RORB: variants seen among roughly 807,000 people sequenced by gnomAD.
RORB encodes the protein RAR related orphan receptor B.
Under a neutral mutation model 59.1 loss-of-function variants are expected in RORB, and 6 were observed. The ratio of observed to expected loss-of-function variants is 0.10; its 90% CI spans 0.06 to 0.20. RORB has a LOEUF of 0.20. RORB is among the 10% of genes least tolerant of loss of function. RORB has a pLI of 1.00. For missense variants in RORB, 320 were observed against 560.5 expected (o/e 0.57, Z 4.33); for synonymous variants, 215 against 204.5 (o/e 1.05, Z -0.44).
intron 1 of RORB, among the ~76,000 whole-genome samples, chr9:74,563,785 T>C (rs1822433398): frequency 6.6e-6 from 1 of 151,344 alleles, no homozygotes. Context: ...AACCTTGGAG[T>C]GAGTGGGTTA....
chr9:74,608,454 C>G (rs1251478501), intron 1 of RORB, among the ~76,000 whole-genome samples: 2 of 151,466 alleles, frequency 1.3e-5, no homozygotes, highest in Non-Finnish European at 2.9e-5. Flanking sequence ...GTCCCAGCTA[C>G]TCGGGAGGCT....
chr9:74,523,675 T>A (rs1563927894), intron 1 of RORB, among the ~76,000 whole-genome samples: 1 of 152,016 alleles, frequency 6.6e-6, no homozygotes, highest in Non-Finnish European at 1.5e-5. Context: ...AGGAAAAAAA[T>A]CACCTGTGAT....
chr9:74,645,665 G>A (rs371410093), intron 4 of RORB, among the ~76,000 whole-genome samples: 7 of 151,640 alleles, frequency 4.6e-5, no homozygotes, highest in South Asian at 2.1e-4. Flanking sequence ...ACCTTTTATC[G>A]AGCACCTACA....
chr9:74,567,717 G>C (rs1822489787), intron 1 of RORB, among the ~76,000 whole-genome samples: 1 of 152,068 alleles, frequency 6.6e-6, no homozygotes, highest in Non-Finnish European at 1.5e-5. Flanking sequence ...CACTCGTAAG[G>C]AAAATGGTAC....
At chr9:74,568,113 A>G (rs533479722) in intron 1 of RORB, among the ~76,000 whole-genome samples, 1 of 152,220 alleles carries the variant, frequency 6.6e-6, no homozygotes, top group Non-Finnish European at 1.5e-5. Flanking sequence ...CCAAATTTTT[A>G]TAACACCTTT....
At chr9:74,646,341 C>T (rs1461688013) in intron 4 of RORB, among the ~76,000 whole-genome samples, 1 of 152,070 alleles carries the variant, frequency 6.6e-6, no homozygotes, top group Admixed American at 6.5e-5. Flanking sequence ...TAAAAACACA[C>T]ATGTAAGAAC....
intron 1 of RORB, among the ~76,000 whole-genome samples, chr9:74,611,864 G>A (rs1693668832): frequency 6.6e-6 from 1 of 152,080 alleles, no homozygotes; most frequent in Admixed American, 6.5e-5. Context: ...TGGCCAGGCT[G>A]GTCTTGAACT....
chr9:74,512,034 A>G (rs537310022), intron 1 of RORB, among the ~76,000 whole-genome samples: 1 of 152,266 alleles, frequency 6.6e-6, no homozygotes, highest in South Asian at 2.1e-4. Context: ...TTTTTCCATC[A>G]TTGAGAAAAG....
chr9:74,573,776 A>G (rs1822588793), intron 1 of RORB, among the ~76,000 whole-genome samples: 1 of 152,132 alleles, frequency 6.6e-6, no homozygotes, highest in East Asian at 1.9e-4. Flanking sequence ...GTGTGTGATG[A>G]GAGGGAAAGG....
chr9:74,640,263 CAG>C (rs1264935939), intron 3 of RORB, among the ~76,000 whole-genome samples: 2 of 152,206 alleles, frequency 1.3e-5, no homozygotes, highest in Admixed American at 1.3e-4. Context: ...TTTTTTGAGA[CAG>C]AGTCTCCCTC....
At chr9:74,526,347 G>A (rs1826156131) in intron 1 of RORB, among the ~76,000 whole-genome samples, 1 of 151,740 alleles carries the variant, frequency 6.6e-6, no homozygotes, top group African/African-American at 2.4e-5. Flanking sequence ...CAACCAACGA[G>A]AAAACCCTAA....
intron 1 of RORB, among the ~76,000 whole-genome samples, chr9:74,517,283 C>T (rs1464633984): frequency 6.6e-6 from 1 of 151,862 alleles, no homozygotes; most frequent in Non-Finnish European, 1.5e-5. Flanking sequence ...CCTTTATTCC[C>T]ATGATTCCAA....
chr9:74,555,541 A>G (rs1283429904), intron 1 of RORB, among the ~76,000 whole-genome samples: 1 of 152,242 alleles, frequency 6.6e-6, no homozygotes, highest in African/African-American at 2.4e-5. Flanking sequence ...GCAAAGACTC[A>G]AAGTCACATA....
intron 1 of RORB, among the ~76,000 whole-genome samples, chr9:74,591,958 CAGAG>C (rs374600755): frequency 3.4e-5 from 5 of 148,844 alleles, no homozygotes; most frequent in Admixed American, 2.0e-4. Context: ...GAGAGAGAGA[CAGAG>C]AGAGAGAGAG....
chr9:74,540,012 T>A (rs1048960390), intron 1 of RORB, among the ~76,000 whole-genome samples: 3 of 152,146 alleles, frequency 2.0e-5, no homozygotes, highest in Non-Finnish European at 4.4e-5. Flanking sequence ...ATGAAAAGAT[T>A]TTTTTCAGTG....
At chr9:74,635,535 G>A (rs927740510) in intron 3 of RORB, among the ~76,000 whole-genome samples, 1 of 152,152 alleles carries the variant, frequency 6.6e-6, no homozygotes, top group Non-Finnish European at 1.5e-5. Flanking sequence ...TTTCCCTGCT[G>A]ACATTGGACA....
At chr9:74,627,627 C>T (rs145092509) in intron 1 of RORB, among the ~76,000 whole-genome samples, 52 of 152,050 alleles carry the variant, frequency 3.4e-4, no homozygotes, top group African/African-American at 1.2e-3. Context: ...TAATTAAGAA[C>T]TTATAGAAGC....
At chr9:74,521,518 A>G (rs909294029) in intron 1 of RORB, among the ~76,000 whole-genome samples, 1 of 151,900 alleles carries the variant, frequency 6.6e-6, no homozygotes. Context: ...AAACTTTAAA[A>G]TAAGTCTTCA....
At chr9:74,587,008 G>T (rs1403676546) in intron 1 of RORB, among the ~76,000 whole-genome samples, 1 of 152,124 alleles carries the variant, frequency 6.6e-6, no homozygotes, top group Admixed American at 6.5e-5. Flanking sequence ...AGCTGGTACT[G>T]CCTTACAGAT....
Sources: gnomAD v4.1 joint callset for allele counts (sites outside exome capture counted in the v4.1 genomes callset) on GRCh38, gnomAD v4.1.1 for gene constraint, MANE v1.5 for transcripts, NCBI Gene and HGNC (gene_info 2026-07-23, HGNC 2026-07-21) for gene names.